ZNF521: variants seen among roughly 807,000 people sequenced by gnomAD.
ZNF521 encodes zinc finger protein 521.
Under a neutral mutation model 105.5 loss-of-function variants are expected in ZNF521, and 14 were observed. The observed-to-expected ratio is 0.13, with a 90% CI of 0.09 to 0.21. The LOEUF (loss-of-function observed/expected upper bound fraction) is 0.21, where lower values mean the gene tolerates loss of function less well. Among genes scored for constraint, ZNF521 ranks in the 10% least tolerant of loss-of-function variants. The pLI is 1.00. For missense variants in ZNF521, 1,233 were observed against 1,629.7 expected, an observed-to-expected ratio of 0.76 and a Z score of 4.19; for synonymous variants, 635 against 606.0, an observed-to-expected ratio of 1.05 and a Z score of -0.70.
At chr18:25,351,943 AG>A in intron 1 of ZNF521, 61 bp downstream of exon 1, 1 of 311,266 alleles carries the variant, frequency 3.2e-6, no homozygotes, top group South Asian at 2.5e-5. Context: ...GAGGAGGAGG[AG>A]GAGAGCCGGG....
chr18:25,094,088 T>C (rs1229238274), intron 5 of ZNF521, among the ~76,000 whole-genome samples: 3 of 152,208 alleles, frequency 2.0e-5, no homozygotes, highest in African/African-American at 7.2e-5. Context: ...AGATGGCCTA[T>C]GGATATGAAC....
intron 3 of ZNF521, among the ~76,000 whole-genome samples, chr18:25,249,357 C>T (rs544715026): frequency 2.6e-3 from 396 of 151,960 alleles, no homozygotes; most frequent in African/African-American, 9.2e-3. Flanking sequence ...CAGGGTTTCA[C>T]TGTGTTAGCC....
intron 5 of ZNF521, 73 bp downstream of exon 5, chr18:25,195,087 T>C (rs2035880665): frequency 1.7e-6 from 2 of 1,143,394 alleles, no homozygotes; most frequent in Non-Finnish European, 2.5e-6. Context: ...AATTCATCTT[T>C]AACTCTGTTT....
At chr18:25,069,730 AAGACAT>A (rs1239381722) in intron 7 of ZNF521, among the ~76,000 whole-genome samples, 1 of 152,236 alleles carries the variant, frequency 6.6e-6, no homozygotes, top group African/African-American at 2.4e-5. Flanking sequence ...GAGAATCGAA[AAGACAT>A]ATGCATAGTG....
chr18:25,098,218 G>A (rs894212940), intron 5 of ZNF521, among the ~76,000 whole-genome samples: 1 of 152,132 alleles, frequency 6.6e-6, no homozygotes, highest in Non-Finnish European at 1.5e-5. Context: ...CAAAAAGGTG[G>A]CTTTCCTTCA....
intron 3 of ZNF521, among the ~76,000 whole-genome samples, chr18:25,301,179 G>T (rs1490303032): frequency 6.6e-6 from 1 of 152,164 alleles, no homozygotes; most frequent in Non-Finnish European, 1.5e-5. Flanking sequence ...CTGGAAAGGG[G>T]TCTCACACAG....
chr18:25,169,720 G>A (rs539817158), intron 5 of ZNF521, among the ~76,000 whole-genome samples: 4 of 152,160 alleles, frequency 2.6e-5, no homozygotes, highest in African/African-American at 9.6e-5. Flanking sequence ...GTTGCTTCTA[G>A]GATACTGAAA....
chr18:25,216,979 A>T (rs1905367319), intron 4 of ZNF521, among the ~76,000 whole-genome samples: 1 of 152,204 alleles, frequency 6.6e-6, no homozygotes, highest in Admixed American at 6.5e-5. Context: ...GCTGTTTGGG[A>T]AGAGCAGCTC....
chr18:25,251,350 C>T (rs1044666503), intron 3 of ZNF521, among the ~76,000 whole-genome samples: 7 of 152,150 alleles, frequency 4.6e-5, no homozygotes, highest in African/African-American at 1.7e-4. Context: ...TAAACAACTT[C>T]GGTACTACAG....
intron 5 of ZNF521, among the ~76,000 whole-genome samples, chr18:25,180,558 A>G (rs1356275755): frequency 1.3e-5 from 2 of 152,066 alleles, no homozygotes; most frequent in African/African-American, 4.8e-5. Flanking sequence ...CAAGGTAAAG[A>G]GGATGGCATC....
intron 5 of ZNF521, among the ~76,000 whole-genome samples, chr18:25,153,282 A>G (rs1024744244): frequency 1.3e-5 from 2 of 152,218 alleles, no homozygotes; most frequent in Non-Finnish European, 2.9e-5. Context: ...TCTAATAAAA[A>G]TCTGTGCTTT....
At chr18:25,164,295 C>T (rs989095442) in intron 5 of ZNF521, among the ~76,000 whole-genome samples, 1 of 152,074 alleles carries the variant, frequency 6.6e-6, no homozygotes, top group African/African-American at 2.4e-5. Flanking sequence ...CTAAAGATGT[C>T]CAAGTAGTCG....
At chr18:25,178,679 A>C (rs1035818570) in intron 5 of ZNF521, among the ~76,000 whole-genome samples, 2 of 152,240 alleles carry the variant, frequency 1.3e-5, no homozygotes, top group African/African-American at 4.8e-5. Context: ...GTCTTTACTT[A>C]TAATGGAAAG....
At chr18:25,076,371 C>T (rs1045592760) in intron 7 of ZNF521, among the ~76,000 whole-genome samples, 7 of 152,074 alleles carry the variant, frequency 4.6e-5, no homozygotes, top group African/African-American at 1.2e-4. Context: ...CCAGGCTGAC[C>T]GGAGACCAGT....
At chr18:25,271,369 T>C (rs1272884206) in intron 3 of ZNF521, among the ~76,000 whole-genome samples, 1 of 152,190 alleles carries the variant, frequency 6.6e-6, no homozygotes, top group Non-Finnish European at 1.5e-5. Context: ...TTCAATGCTA[T>C]CCTCATCAAG....
chr18:25,294,928 C>G (rs1270629580), intron 3 of ZNF521, among the ~76,000 whole-genome samples: 1 of 148,750 alleles, frequency 6.7e-6, no homozygotes, highest in Admixed American at 6.7e-5. Flanking sequence ...TCTGCGACAT[C>G]CTTTATCTCT....
chr18:25,174,115 G>A (rs748855157), intron 5 of ZNF521, among the ~76,000 whole-genome samples: 9 of 151,706 alleles, frequency 5.9e-5, no homozygotes, highest in African/African-American at 2.2e-4. Flanking sequence ...TTATTGCATC[G>A]ATCAATTTGA....
intron 3 of ZNF521, among the ~76,000 whole-genome samples, chr18:25,280,530 A>G (rs1181610929): frequency 6.6e-6 from 1 of 152,098 alleles, no homozygotes; most frequent in Non-Finnish European, 1.5e-5. Context: ...ACCTTTACTC[A>G]ATCACAGACA....
At chr18:25,285,262 T>C (rs1910635343) in intron 3 of ZNF521, among the ~76,000 whole-genome samples, 1 of 152,158 alleles carries the variant, frequency 6.6e-6, no homozygotes, top group South Asian at 2.1e-4. Context: ...TAACTCTACA[T>C]TTTCAGGCAT....
Sources: gnomAD v4.1 joint callset for allele counts (sites outside exome capture counted in the v4.1 genomes callset) on GRCh38, gnomAD v4.1.1 for gene constraint, MANE v1.5 for transcripts, NCBI Gene and HGNC (gene_info 2026-07-23, HGNC 2026-07-21) for gene names.